FSHR: variants seen among roughly 807,000 people sequenced by gnomAD.
FSHR encodes the protein follicle-stimulating hormone receptor.
A neutral mutation model predicts 52.1 loss-of-function variants in FSHR; 46 were observed. The observed-to-expected ratio is 0.88, with a 90% CI of 0.70 to 1.13. The LOEUF (loss-of-function observed/expected upper bound fraction) is 1.13, where lower values mean the gene tolerates loss of function less well. Among genes scored for constraint, FSHR ranks in the 50% most tolerant of loss-of-function variants. FSHR has a pLI of 0.00. For missense variants in FSHR, 964 were observed against 834.6 expected (o/e 1.16, Z -1.91); for synonymous variants, 399 against 309.6 (o/e 1.29, Z -3.03).
chr2:49,068,155 T>C, intron 2 of FSHR, 64 bp downstream of exon 2: 1 of 1,207,264 alleles, frequency 8.3e-7, no homozygotes, highest in African/African-American at 1.5e-5. Context: ...ATACTAGATG[T>C]GGTCTGAGGT....
At chr2:49,140,234 C>T (rs978038938) in intron 1 of FSHR, among the ~76,000 whole-genome samples, 2 of 152,012 alleles carry the variant, frequency 1.3e-5, no homozygotes, top group East Asian at 1.9e-4. Flanking sequence ...CTTGGTCATC[C>T]CCTTGGTGAT....
At chr2:49,118,849 G>A (rs1023913409) in intron 1 of FSHR, among the ~76,000 whole-genome samples, 3 of 152,108 alleles carry the variant, frequency 2.0e-5, no homozygotes, top group African/African-American at 7.2e-5. Context: ...TCCACCCCTT[G>A]GTTTTAAAGA....
intron 1 of FSHR, among the ~76,000 whole-genome samples, chr2:49,103,367 C>T (rs993995839): frequency 6.6e-6 from 1 of 152,176 alleles, no homozygotes; most frequent in Non-Finnish European, 1.5e-5. Context: ...GCAAATCTCT[C>T]ACAACACAGT....
At chr2:49,084,838 T>A (rs1333936810) in intron 1 of FSHR, among the ~76,000 whole-genome samples, 2 of 152,228 alleles carry the variant, frequency 1.3e-5, no homozygotes, top group East Asian at 3.9e-4. Flanking sequence ...GGATCTGAAA[T>A]TGTGGCAATA....
intron 2 of FSHR, among the ~76,000 whole-genome samples, chr2:49,062,775 C>T (rs1406659068): frequency 6.6e-6 from 1 of 151,882 alleles, no homozygotes; most frequent in Non-Finnish European, 1.5e-5. Flanking sequence ...CAAAAGAAGA[C>T]ATACAAATGG....
intron 1 of FSHR, among the ~76,000 whole-genome samples, chr2:49,135,431 T>A (rs1444586338): frequency 6.6e-6 from 1 of 152,070 alleles, no homozygotes; most frequent in South Asian, 2.1e-4. Context: ...AATTAAGACA[T>A]AACATACTAA....
At chr2:49,153,194 A>G (rs1181453128) in intron 1 of FSHR, among the ~76,000 whole-genome samples, 1 of 152,254 alleles carries the variant, frequency 6.6e-6, no homozygotes, top group East Asian at 1.9e-4. Flanking sequence ...CAATATGGCA[A>G]TTGGTGAACT....
chr2:49,062,664 C>A (rs1669357799), intron 2 of FSHR, among the ~76,000 whole-genome samples: 1 of 151,976 alleles, frequency 6.6e-6, no homozygotes. Context: ...AACTACTCAT[C>A]AAAGGATTAG....
intron 2 of FSHR, among the ~76,000 whole-genome samples, chr2:49,036,101 T>G (rs1668263277): frequency 6.6e-6 from 1 of 152,212 alleles, no homozygotes; most frequent in Non-Finnish European, 1.5e-5. Context: ...GGTAGATATA[T>G]GTACCATGTA....
chr2:49,148,359 T>A (rs1310948682), intron 1 of FSHR, among the ~76,000 whole-genome samples: 1 of 151,998 alleles, frequency 6.6e-6, no homozygotes, highest in Non-Finnish European at 1.5e-5. Context: ...AAGAAAGCTA[T>A]CCGATCCTAT....
At chr2:49,028,493 T>C (rs1181604646) in intron 2 of FSHR, among the ~76,000 whole-genome samples, 2 of 152,200 alleles carry the variant, frequency 1.3e-5, no homozygotes, top group African/African-American at 2.4e-5. Context: ...TGGGAATAAT[T>C]ATCCACCTGT....
chr2:49,026,506 C>T (rs1243226902), intron 2 of FSHR, among the ~76,000 whole-genome samples: 1 of 152,156 alleles, frequency 6.6e-6, no homozygotes. Flanking sequence ...CAGTAATTTC[C>T]CCAACAGCAC....
At chr2:49,039,679 C>T (rs1668411657) in intron 2 of FSHR, among the ~76,000 whole-genome samples, 1 of 152,160 alleles carries the variant, frequency 6.6e-6, no homozygotes, top group Non-Finnish European at 1.5e-5. Context: ...TTCTGCTTTC[C>T]TTGATCTCTG....
At chr2:49,154,204 A>C in intron 1 of FSHR, 62 bp downstream of exon 1, 8 of 1,533,184 alleles carry the variant, frequency 5.2e-6, no homozygotes, top group Non-Finnish European at 7.2e-6. Context: ...TGTAAAAATA[A>C]TAATAGTACG....
chr2:49,083,204 G>C (rs1216982311), intron 1 of FSHR, among the ~76,000 whole-genome samples: 1 of 151,070 alleles, frequency 6.6e-6, no homozygotes, highest in Non-Finnish European at 1.5e-5. Context: ...CATTCTTAAA[G>C]AAAAGAATTT....
At chr2:49,032,223 C>G (rs1189832521) in intron 2 of FSHR, among the ~76,000 whole-genome samples, 3 of 152,190 alleles carry the variant, frequency 2.0e-5, no homozygotes, top group African/African-American at 7.2e-5. Flanking sequence ...CTGAGTTTGT[C>G]TATCACATTG....
Position 49,127,824 on chromosome 2 carries a change from TTCTTCC to T in FSHR, c.152+26436_152+26441del, listed in dbSNP as rs1558456595. Among the ~76,000 whole-genome samples the T allele has an allele frequency of 1.2e-3, 64 of 55,496 alleles. 1 individual carries two copies. The highest frequency in any genetic ancestry group is 2.8e-3 in the East Asian group (3 of 1,076). The allele number at this position is 55,496 out of a possible 152,430, so 36.4% of individuals were successfully genotyped here. ...CTTCTTCTTCTTCTTCTTCTTCTTC[TTCTTCC>T]TCTTCTTCTTCTTCTTCTTCTTCTT... On this transcript the variant is annotated intron_variant, in intron 1 of 9. Transcript: ENST00000406846.
rs1460923886 is a variant in FSHR at position 48,963,462 on chromosome 2, A to G, written c.1359T>C (p.Ser453=). The G allele has an allele frequency of 1.2e-6, 2 of 1,614,166 alleles. No homozygotes were observed. Among genetic ancestry groups the G allele is most frequent in the Admixed American group, 3.3e-5 (2 of 60,022 alleles). Residue 453 remains serine (S), a synonymous_variant, in exon 10 of 10, where the codon AGT becomes AGC. Transcript: ENST00000406846. ...DAAGFFTVFA[S]ELSVYTLTAI... ...CTGTCAGAGTGTAGACTGACAGCTCACTGGCAAAGACAGTGAAAAAGCCAG... is the reference window on the plus strand; with the variant it reads ...CTGTCAGAGTGTAGACTGACAGCTCGCTGGCAAAGACAGTGAAAAAGCCAG...
chr2:49,021,899 A>AGAGAGAGAGAGAGAGAGG (rs1667737151), intron 2 of FSHR, among the ~76,000 whole-genome samples: 15 of 77,116 alleles, frequency 1.9e-4, no homozygotes, highest in Admixed American at 1.9e-3. Context: ...AGAGAGAGAG[A>AGAGAGAGAGAGAGAGAGG]GAGAGAGAGA....
Sources: gnomAD v4.1 joint callset for allele counts (sites outside exome capture counted in the v4.1 genomes callset) on GRCh38, gnomAD v4.1.1 for gene constraint, MANE v1.5 for transcripts, NCBI Gene and HGNC (gene_info 2026-07-23, HGNC 2026-07-21) for gene names.